The following CD58 variants were observed in gnomAD, a reference collection of about 807,000 sequenced individuals.
CD58 encodes the protein lymphocyte function-associated antigen 3.
CD58 carries 14 observed loss-of-function variants against 27.6 expected under a neutral mutation model. That is an observed-to-expected ratio of 0.51 (90% CI 0.34 to 0.79). The LOEUF is 0.79. Ranked by LOEUF, CD58 falls within the 30% of genes least tolerant of loss-of-function variation. The pLI is 0.02. For synonymous variants in CD58, 117 were observed against 103.8 expected (o/e 1.13, Z -0.77); for missense variants, 268 against 301.7 (o/e 0.89, Z 0.83).
chr1:116,533,675 T>C (rs1159824508), intron 3 of CD58: 1 of 679,898 alleles, frequency 1.5e-6, no homozygotes, highest in African/African-American at 1.8e-5. Context: ...ACTACTTTAT[T>C]TTTCCTGTCT....
In CD58 at chr1:116,516,725, C is replaced by T. The variant is rs1050252385; in HGVS notation, c.744-1903G>A. Among the ~76,000 whole-genome samples, 9 of 152,178 alleles carry T rather than the reference C, an allele frequency of 5.9e-5. No homozygotes were observed. Among genetic ancestry groups the T allele is most frequent in the Non-Finnish European group, 1.2e-4 (8 of 68,036 alleles). ...CCAAAGCTTTTCTGATTATTCTGGC[C>T]TCTCCAATTCCTCTGCGTTGGTTGC... On this transcript the variant is annotated intron_variant, in intron 5 of 5. Transcript: ENST00000369489. This position sits in a 1 kb window ranked among gnomAD's most constrained non-coding sequence, Gnocchi z 6.1.
At chr1:116,543,248 G>A (rs1658049374) in intron 2 of CD58, among the ~76,000 whole-genome samples, 1 of 152,112 alleles carries the variant, frequency 6.6e-6, no homozygotes, top group South Asian at 2.1e-4. Context: ...GGGCAGCAGG[G>A]ACATCAGGTG....
chr1:116,560,548 T>C (rs979120237), intron 1 of CD58, among the ~76,000 whole-genome samples: 2 of 152,238 alleles, frequency 1.3e-5, no homozygotes, highest in Non-Finnish European at 2.9e-5. Context: ...TTTTATTTTT[T>C]TCTGAATGTG....
At chr1:116,514,848 CTT>C in intron 5 of CD58, 26 bp from the exon 6 acceptor site, 1 of 1,537,810 alleles carries the variant, frequency 6.5e-7, no homozygotes, top group Non-Finnish European at 9.0e-7. Context: ...ATATTATTAA[CTT>C]GTAAAATGCA....
Position 116,536,308 on chromosome 1 carries a change from A to C in CD58, c.365-80T>G. Reference sequence around the variant, plus strand: ...ATCTGCAAATTTATGAAGAGCTCGCAACCTCCTTACAAGCTTGAAAGGATG... The same window carrying C: ...ATCTGCAAATTTATGAAGAGCTCGCCACCTCCTTACAAGCTTGAAAGGATG... On this transcript the variant is annotated intron_variant, in intron 2 of 5. Coordinates refer to ENST00000369489, the MANE Select transcript of CD58 (RefSeq NM_001779.3). This position sits in a 1 kb window ranked among gnomAD's most constrained non-coding sequence, Gnocchi z 5.4. The C allele has an allele frequency of 3.8e-6, 4 of 1,043,816 alleles. No individual in the cohort carries two copies. The highest frequency in any genetic ancestry group is 3.2e-5 in the African/African-American group (2 of 62,670). The allele number at this position is 1,043,816 out of a possible 1,614,324, so 64.7% of individuals were successfully genotyped here.
chr1:116,547,964 T>C (rs764680511), intron 1 of CD58, among the ~76,000 whole-genome samples: 1 of 152,220 alleles, frequency 6.6e-6, no homozygotes, highest in African/African-American at 2.4e-5. Flanking sequence ...CCAACATCTA[T>C]TATTTTTTGA....
rs1035092021 is a variant in CD58, at chr1:116,519,185, G to C, written c.743+46C>G. The C allele has an allele frequency of 5.0e-6, 8 of 1,608,908 alleles. No homozygotes were observed. Among genetic ancestry groups the C allele is most frequent in the Non-Finnish European group, 6.8e-6 (8 of 1,176,892 alleles). On this transcript the variant is annotated intron_variant, in intron 5 of 5. Transcript: ENST00000369489. This position sits in a 1 kb window ranked among gnomAD's most constrained non-coding sequence, Gnocchi z 4.7. Reference sequence around the variant, plus strand: ...CCAAGTAATGGGCATCTACAGCAGGGCTGCTGTTGTTCTGGCACAGAGTGC... The same window carrying C: ...CCAAGTAATGGGCATCTACAGCAGGCCTGCTGTTGTTCTGGCACAGAGTGC...
rs1418391679 is a variant in CD58, at chr1:116,516,900, C to G, written c.744-2078G>C. Among the ~76,000 whole-genome samples, 1 of 152,186 alleles carries G rather than the reference C, an allele frequency of 6.6e-6. No individual in the cohort carries two copies. The highest frequency in any genetic ancestry group is 1.5e-5 in the Non-Finnish European group (1 of 68,034). On this transcript the variant is annotated intron_variant, in intron 5 of 5. Coordinates refer to ENST00000369489, the MANE Select transcript of CD58 (RefSeq NM_001779.3). This position sits in a 1 kb window ranked among gnomAD's most constrained non-coding sequence, Gnocchi z 6.1. ...TGGGAGGAGCCCTATTATATGCTTTCTCTGAATCCCACACAATGTCTAGCC... is the reference window on the plus strand; with the variant it reads ...TGGGAGGAGCCCTATTATATGCTTTGTCTGAATCCCACACAATGTCTAGCC...
chr1:116,563,972 G>A lies in CD58; in HGVS notation c.70+6931C>T, dbSNP rs1658851977. Among the ~76,000 whole-genome samples the A allele has an allele frequency of 6.6e-6, 1 of 152,178 alleles. No homozygotes were observed. Among genetic ancestry groups the A allele is most frequent in the African/African-American group, 2.4e-5 (1 of 41,450 alleles). Reference sequence around the variant, plus strand: ...TTCTTTTCTATTGCATCATTGGGCTGCAAATTTTTTGAACTTTTATGCCCT... The same window carrying A: ...TTCTTTTCTATTGCATCATTGGGCTACAAATTTTTTGAACTTTTATGCCCT... On this transcript the variant is annotated intron_variant, in intron 1 of 5. Transcript: ENST00000369489. The surrounding 1 kb of genome is among the most constrained non-coding windows in gnomAD (Gnocchi z 4.1).
rs1657076621 is a variant in CD58, at chr1:116,516,071, C to A, written c.744-1249G>T. Among the ~76,000 whole-genome samples the A allele has an allele frequency of 6.6e-6, 1 of 151,862 alleles. No homozygotes were observed. The highest frequency in any genetic ancestry group is 1.5e-5 in the Non-Finnish European group (1 of 67,986). On this transcript the variant is annotated intron_variant, in intron 5 of 5. Transcript: ENST00000369489. This position sits in a 1 kb window ranked among gnomAD's most constrained non-coding sequence, Gnocchi z 6.1. ...TAATTTAACTTAATTTTTTTGATGC[C>A]CAGGCTGGTCTCTTAACTCCTGGGC...
chr1:116,539,113 A>C (rs980109900), intron 2 of CD58, among the ~76,000 whole-genome samples: 5 of 152,274 alleles, frequency 3.3e-5, no homozygotes, highest in African/African-American at 1.2e-4. Flanking sequence ...GAGTTAACAC[A>C]GATAATAATC....
chr1:116,542,434 G>A (rs1399759484), intron 2 of CD58, among the ~76,000 whole-genome samples: 1 of 152,210 alleles, frequency 6.6e-6, no homozygotes, highest in Non-Finnish European at 1.5e-5. Context: ...TAACAAGGAG[G>A]TCTAGAGGAG....
At chr1:116,544,277 C>T in intron 2 of CD58, 34 bp downstream of exon 2, 1 of 1,482,008 alleles carries the variant, frequency 6.7e-7, no homozygotes, top group Non-Finnish European at 9.2e-7. Context: ...TGGAAATTTG[C>T]CATTTTAAAC....
rs529156009 is a variant in CD58 at position 116,559,615 on chromosome 1, A to C, written c.70+11288T>G. On this transcript the variant is annotated intron_variant, in intron 1 of 5. Coordinates refer to ENST00000369489, the MANE Select transcript of CD58 (RefSeq NM_001779.3). The surrounding 1 kb of genome is among the most constrained non-coding windows in gnomAD (Gnocchi z 4.4). ...CTCATCTACTTCATACTGAAACTGC[A>C]GCCACCTGTCTCCCAACGGTTACAA... Among the ~76,000 whole-genome samples the C allele has an allele frequency of 3.3e-5, 5 of 152,266 alleles. No individual in the cohort carries two copies. The highest frequency in any genetic ancestry group is 1.2e-4 in the African/African-American group (5 of 41,554).
In CD58 at chr1:116,552,649, CT is replaced by C. The variant is rs1658431111; in HGVS notation, c.71-8046del. Among the ~76,000 whole-genome samples the C allele has an allele frequency of 1.3e-5, 2 of 152,182 alleles. No homozygotes were observed. Among genetic ancestry groups the C allele is most frequent in the African/African-American group, 4.8e-5 (2 of 41,434 alleles). Reference sequence around the variant, plus strand: ...TGTCATAAAATCTCCTTGAAATCAACTGGTATAGCTATACTTTATTCTTTTT... The same window carrying C: ...TGTCATAAAATCTCCTTGAAATCAACGGTATAGCTATACTTTATTCTTTTT... On this transcript the variant is annotated intron_variant, in intron 1 of 5. Coordinates refer to ENST00000369489, the MANE Select transcript of CD58 (RefSeq NM_001779.3). The surrounding 1 kb of genome is among the most constrained non-coding windows in gnomAD (Gnocchi z 4.5).
rs1002407454 is a variant in CD58, at chr1:116,546,047, C to A, written c.71-1443G>T. Among the ~76,000 whole-genome samples, 2 of 152,158 alleles carry A rather than the reference C, an allele frequency of 1.3e-5. No individual in the cohort carries two copies. The highest frequency in any genetic ancestry group is 2.9e-5 in the Non-Finnish European group (2 of 68,032). On this transcript the variant is annotated intron_variant, in intron 1 of 5. Transcript: ENST00000369489. This position sits in a 1 kb window ranked among gnomAD's most constrained non-coding sequence, Gnocchi z 4.1. ...CAAAAAATTAGCTGGGCATGGCACA[C>A]ACCTGTGGTCCCCAGCTACTTGGGA... is the stretch of plus-strand genomic sequence containing the variant.
Position 116,519,304 on chromosome 1 carries a change from T to A in CD58, c.707-37A>T. On this transcript the variant is annotated intron_variant, in intron 4 of 5. Transcript: ENST00000369489. The surrounding 1 kb of genome is among the most constrained non-coding windows in gnomAD (Gnocchi z 4.7). ...GAAATTGTCTTCTCAATTAAAGAAC[T>A]GAAAAGAAAAGGTGAAATGTGGAGT... The A allele has an allele frequency of 3.8e-6, 6 of 1,591,480 alleles. No individual in the cohort carries two copies. Among genetic ancestry groups the A allele is most frequent in the Non-Finnish European group, 5.2e-6 (6 of 1,163,698 alleles).
intron 3 of CD58, among the ~76,000 whole-genome samples, chr1:116,530,757 C>T (rs1406713052): frequency 6.6e-6 from 1 of 151,780 alleles, no homozygotes; most frequent in Non-Finnish European, 1.5e-5. Context: ...TGTGGTTCCA[C>T]ACAAAAGCAT....
intron 2 of CD58, among the ~76,000 whole-genome samples, chr1:116,542,140 T>C (rs772801953): frequency 2.0e-5 from 3 of 152,168 alleles, no homozygotes; most frequent in Non-Finnish European, 4.4e-5. Context: ...TAGCCAGGCA[T>C]GGTGGTGCAT....
Sources: gnomAD v4.1 joint callset for allele counts (sites outside exome capture counted in the v4.1 genomes callset) on GRCh38, gnomAD v4.1.1 for gene constraint, Gnocchi (gnomAD v3.1) non-coding constraint, MANE v1.5 for transcripts, NCBI Gene and HGNC (gene_info 2026-07-23, HGNC 2026-07-21) for gene names.